KCNJ3: variants seen among roughly 807,000 people sequenced by gnomAD.
KCNJ3 encodes the protein potassium inwardly rectifying channel subfamily J member 3.
In KCNJ3, 4 loss-of-function variants were observed where a neutral mutation model predicts 39.2. The observed-to-expected ratio is 0.10, with a 90% CI of 0.05 to 0.23. The LOEUF (loss-of-function observed/expected upper bound fraction) is 0.23. Among genes scored for constraint, KCNJ3 ranks in the 10% least tolerant of loss-of-function variants. The pLI is 1.00. For missense variants in KCNJ3, 276 were observed against 634.9 expected, an observed-to-expected ratio of 0.43 and a Z score of 6.08; for synonymous variants, 230 against 237.4, an observed-to-expected ratio of 0.97 and a Z score of 0.29.
At chr2:154,812,564 G>T (rs1345898414) in intron 2 of KCNJ3, among the ~76,000 whole-genome samples, 2 of 152,098 alleles carry the variant, frequency 1.3e-5, no homozygotes, top group African/African-American at 4.8e-5. Flanking sequence ...ACTTTCTCAA[G>T]TTGCTTGGAA....
intron 2 of KCNJ3, among the ~76,000 whole-genome samples, chr2:154,836,402 CTT>C (rs1687464010): frequency 6.6e-6 from 1 of 151,628 alleles, no homozygotes; most frequent in Non-Finnish European, 1.5e-5. Flanking sequence ...ATTTTTATAT[CTT>C]TGACTTCTTA....
chr2:154,722,731 G>A (rs1438355477), intron 2 of KCNJ3, among the ~76,000 whole-genome samples: 4 of 152,182 alleles, frequency 2.6e-5, no homozygotes, highest in Non-Finnish European at 5.9e-5. Flanking sequence ...CTTGGAGACA[G>A]TGTAAAATAG....
intron 2 of KCNJ3, among the ~76,000 whole-genome samples, chr2:154,726,088 G>A (rs3111014): frequency 0.4 from 60,774 of 151,810 alleles, 12,404 homozygotes; most frequent in Non-Finnish European, 0.44. Context: ...AGCAAATGCA[G>A]CAAAAACAAA....
At chr2:154,727,497 C>A in intron 2 of KCNJ3, among the ~76,000 whole-genome samples, 1 of 147,582 alleles carries the variant, frequency 6.8e-6, no homozygotes, top group Non-Finnish European at 1.5e-5. Flanking sequence ...GAGGCTGAGG[C>A]AGCAGAATCA....
intron 1 of KCNJ3, 88 bp from the exon 2 acceptor site, chr2:154,709,515 G>A (rs1685067952): frequency 1.5e-6 from 2 of 1,313,180 alleles, no homozygotes; most frequent in African/African-American, 2.9e-5. Flanking sequence ...AGTGCAGAAT[G>A]TTGGCAATGA....
At chr2:154,820,645 C>T (rs1308174252) in intron 2 of KCNJ3, among the ~76,000 whole-genome samples, 1 of 152,122 alleles carries the variant, frequency 6.6e-6, no homozygotes. Flanking sequence ...TTCTAGTGAA[C>T]AGTTTGCAAA....
Position 154,698,760 on chromosome 2 carries a change from C to G in KCNJ3, c.-16C>G. 5 of 1,469,268 alleles carry G rather than the reference C, an allele frequency of 3.4e-6. No homozygotes were observed. Among genetic ancestry groups the G allele is most frequent in the South Asian group, 1.1e-5 (1 of 88,874 alleles). 91.0% of individuals were successfully genotyped at this position (1,469,268 alleles called of 1,614,324 possible). A position where few individuals can be genotyped will look rare whatever the true frequency, so the allele number is the denominator to read the frequency against. On this transcript the variant is annotated 5_prime_UTR_variant, in exon 1 of 3. Transcript: ENST00000295101. Reference sequence around the variant, plus strand: ...GCCTTCGCTTCGCGTTTGAATCTGGCTCGCCCCTTCGTATTATGTCTGCAC... The same window carrying G: ...GCCTTCGCTTCGCGTTTGAATCTGGGTCGCCCCTTCGTATTATGTCTGCAC...
chr2:154,796,184 T>C (rs773374383), intron 2 of KCNJ3, among the ~76,000 whole-genome samples: 12 of 152,050 alleles, frequency 7.9e-5, no homozygotes, highest in Non-Finnish European at 1.6e-4. Context: ...GGAATTGAGG[T>C]CTATTGCTGA....
At chr2:154,817,972 G>A (rs1687110444) in intron 2 of KCNJ3, among the ~76,000 whole-genome samples, 1 of 151,954 alleles carries the variant, frequency 6.6e-6, no homozygotes, top group Admixed American at 6.6e-5. Context: ...CTTATTTCGT[G>A]TCTTGTAGAA....
rs149431134 is a variant in KCNJ3, at chr2:154,699,456, G to A, written c.681G>A (p.Gln227=). 2,358 of 1,596,312 alleles carry A rather than the reference G, an allele frequency of 1.5e-3. 1 individual carries two copies. The highest frequency in any genetic ancestry group is 1.9e-3 in the Non-Finnish European group (2,211 of 1,177,716). ...NLRNSHMVSA[Q]IRCKLLKSRQ... The stretch of plus-strand genomic sequence containing the variant: ...GCAACAGCCACATGGTCTCCGCGCA[G>A]ATTCGCTGCAAGCTGCTCAAAGTAA... Residue 227 remains glutamine, a synonymous_variant, in exon 1 of 3, where the codon CAG becomes CAA. Coordinates refer to ENST00000295101, the MANE Select transcript of KCNJ3 (RefSeq NM_002239.4). The surrounding 1 kb of genome is among the most constrained non-coding windows in gnomAD (Gnocchi z 6.4).
chr2:154,800,830 T>C (rs570540262), intron 2 of KCNJ3, among the ~76,000 whole-genome samples: 1 of 152,284 alleles, frequency 6.6e-6, no homozygotes, highest in Admixed American at 6.5e-5. Flanking sequence ...GTCTCCTTAT[T>C]GTATAGATTA....
chr2:154,735,180 A>G (rs1055134596), intron 2 of KCNJ3, among the ~76,000 whole-genome samples: 8 of 151,292 alleles, frequency 5.3e-5, no homozygotes, highest in South Asian at 2.1e-4. Context: ...TCCGCCTCCC[A>G]GGTTCACACC....
At chr2:154,746,466 A>AT (rs2105178418) in intron 2 of KCNJ3, among the ~76,000 whole-genome samples, 1 of 151,654 alleles carries the variant, frequency 6.6e-6, no homozygotes, top group Admixed American at 6.6e-5. Context: ...AATAGGTGTT[A>AT]TACTATATTG....
chr2:154,790,545 T>C (rs1686612583), intron 2 of KCNJ3, among the ~76,000 whole-genome samples: 1 of 152,114 alleles, frequency 6.6e-6, no homozygotes, highest in South Asian at 2.1e-4. Context: ...CTTAGCTACG[T>C]TGCATGTCTC....
intron 2 of KCNJ3, among the ~76,000 whole-genome samples, chr2:154,727,700 TA>T (rs946725061): frequency 9.2e-5 from 14 of 151,810 alleles, no homozygotes; most frequent in African/African-American, 2.7e-4. Context: ...TTTCTCACGT[TA>T]AAAAAATTGC....
In KCNJ3 at chr2:154,857,020, A is replaced by G. The variant is rs537410957; in HGVS notation, c.*1707A>G. 4 of 152,254 alleles carry G rather than the reference A, an allele frequency of 2.6e-5. No homozygotes were observed. The highest frequency in any genetic ancestry group is 1.3e-4 in the Admixed American group (2 of 15,282). 9.4% of individuals were successfully genotyped at this position (152,254 alleles called of 1,614,324 possible). A position where few individuals can be genotyped will look rare whatever the true frequency, so the allele number is the denominator to read the frequency against. On this transcript the variant is annotated 3_prime_UTR_variant, in exon 3 of 3. Coordinates refer to ENST00000295101, the MANE Select transcript of KCNJ3 (RefSeq NM_002239.4). ...TTTATTATTGGCAAATTAATACATCAACACTTAAATCATTGACTATAATAA... is the reference window on the plus strand; with the variant it reads ...TTTATTATTGGCAAATTAATACATCGACACTTAAATCATTGACTATAATAA...
At chr2:154,722,130 AT>A (rs35965372) in intron 2 of KCNJ3, among the ~76,000 whole-genome samples, 88 of 148,592 alleles carry the variant, frequency 5.9e-4, no homozygotes, top group South Asian at 8.5e-4. Flanking sequence ...AACTACAAAG[AT>A]TTTTTTTTTT....
rs550117033 is a variant in KCNJ3, at chr2:154,791,373, A to G, written c.920-63354A>G. 5.0e-4 allele frequency among the ~76,000 whole-genome samples: 76 copies of G among 152,226 alleles called. 2 individuals are homozygous for G. Among genetic ancestry groups the G allele is most frequent in the African/African-American group, 1.8e-3 (75 of 41,548 alleles). ...TGTTATTCTTTCCTTAAGCCTTCTG[A>G]GTCCAGCCTGTTCTGTAAGCTGGTT... On this transcript the variant is annotated intron_variant, in intron 2 of 2. Transcript: ENST00000295101.
chr2:154,836,426 C>T, intron 2 of KCNJ3, among the ~76,000 whole-genome samples: 1 of 150,118 alleles, frequency 6.7e-6, no homozygotes. Context: ...AAGTGATTTT[C>T]TGTTTTTTTT....
Sources: allele counts gnomAD v4.1 joint callset (sites outside exome capture counted in the v4.1 genomes callset), GRCh38; gene constraint gnomAD v4.1.1; non-coding constraint Gnocchi (gnomAD v3.1); transcripts MANE v1.5; gene names NCBI Gene and HGNC (gene_info 2026-07-23, HGNC 2026-07-21).